The following TCF4 variants were observed in gnomAD, a reference collection of about 807,000 sequenced individuals.
TCF4 encodes transcription factor 4.
TCF4 carries 3 observed loss-of-function variants against 82.1 expected under a neutral mutation model. The observed-to-expected ratio is 0.04, with a 90% confidence interval of 0.02 to 0.09. The LOEUF (loss-of-function observed/expected upper bound fraction) is 0.09, where lower values mean the gene tolerates loss of function less well. Ranked by LOEUF, TCF4 falls within the 10% of genes least tolerant of loss-of-function variation. TCF4 has a pLI of 1.00. For synonymous variants in TCF4, 276 were observed against 309.6 expected (o/e 0.89, Z 1.14); for missense variants, 518 against 852.7 (o/e 0.61, Z 4.89).
chr18:55,296,205 C>T lies in TCF4; in HGVS notation c.550-16549G>A, dbSNP rs576711944. Among the ~76,000 whole-genome samples, 38 of 151,854 alleles carry T rather than the reference C, an allele frequency of 2.5e-4. No individual in the cohort carries two copies. In the South Asian group the frequency reaches 3.3e-3, roughly 13 times the overall value. Reference sequence around the variant, plus strand: ...ACTCTCTGAAACTGATAATCTCAGGCGATAGTGCTAGTCCAAAGAACAGAT... The same window carrying T: ...ACTCTCTGAAACTGATAATCTCAGGTGATAGTGCTAGTCCAAAGAACAGAT... On this transcript the variant is annotated intron_variant, in intron 8 of 19. Coordinates refer to ENST00000354452, the MANE Select transcript of TCF4 (RefSeq NM_001083962.2).
At chr18:55,241,842 T>G (rs2051332641) in intron 15 of TCF4, among the ~76,000 whole-genome samples, 1 of 152,214 alleles carries the variant, frequency 6.6e-6, no homozygotes, top group Admixed American at 6.5e-5. Flanking sequence ...CTCCATCAGT[T>G]GATGCAATAT....
chr18:55,329,443 C>G (rs1006496783), intron 8 of TCF4, among the ~76,000 whole-genome samples: 1 of 152,018 alleles, frequency 6.6e-6, no homozygotes, highest in Non-Finnish European at 1.5e-5. Context: ...GTAAATCCCA[C>G]GAGTAATCTA....
intron 5 of TCF4, among the ~76,000 whole-genome samples, chr18:55,418,300 T>C (rs1170047418): frequency 6.6e-6 from 1 of 152,182 alleles, no homozygotes; most frequent in African/African-American, 2.4e-5. Context: ...ATATACTTTA[T>C]AAGAATGAGT....
rs1418103880 is a variant in TCF4 at position 55,275,685 on chromosome 18, C to T, written c.723G>A (p.Met241Ile). ...GTGGAATATGAGAAGAGTTGCCCAA[C>T]ATTCCTGCATAGCCAGGCTGATTCA... ...SGMNQPGYAG[M>I]LGNSSHIPQS... Residue 241 changes from methionine to isoleucine, a missense_variant, in exon 10 of 20, where the codon ATG becomes ATA. Met to Ile is a conservative substitution (Grantham distance 10, BLOSUM62 1). This residue lies in a region of TCF4 where 211 missense variants were observed against 327.4 expected (regional missense o/e 0.64). Transcript: ENST00000354452. The T allele has an allele frequency of 1.2e-6, 2 of 1,613,952 alleles. No individual in the cohort carries two copies. The highest frequency in any genetic ancestry group is 1.1e-5 in the South Asian group (1 of 91,080).
rs3017184 is a variant in TCF4, at chr18:55,575,564, T to A, written c.145+9716A>T. Among the ~76,000 whole-genome samples the A allele has an allele frequency of 1.5e-3, 233 of 152,186 alleles. 1 individual carries two copies. Among genetic ancestry groups the A allele is most frequent in the African/African-American group, 5.5e-3 (229 of 41,498 alleles). ...TCTTTTACATGAGTCTAGAATATCC[T>A]CTTTGTCATAAATTTTTTTTTTTAC... On this transcript the variant is annotated intron_variant, in intron 3 of 19. Coordinates refer to ENST00000354452, the MANE Select transcript of TCF4 (RefSeq NM_001083962.2).
At chr18:55,264,537 T>C (rs2058698390) in intron 11 of TCF4, 1 of 151,986 alleles carries the variant, frequency 6.6e-6, no homozygotes, top group African/African-American at 2.4e-5. Context: ...GTGACAGATA[T>C]AACAAAGGGT....
intron 3 of TCF4, among the ~76,000 whole-genome samples, chr18:55,556,289 TATG>T (rs771158870): frequency 1.2e-4 from 18 of 152,212 alleles, no homozygotes; most frequent in Non-Finnish European, 1.3e-4. Context: ...GTTTAAGAAC[TATG>T]ATAATGGCTT....
At chr18:55,507,344 C>G (rs2096773923) in intron 3 of TCF4, among the ~76,000 whole-genome samples, 1 of 152,122 alleles carries the variant, frequency 6.6e-6, no homozygotes, top group Non-Finnish European at 1.5e-5. Flanking sequence ...CTAGAGGTGA[C>G]TTATAGGCAG....
intron 3 of TCF4, chr18:55,518,919 T>C (rs1181699514): frequency 6.6e-6 from 1 of 152,172 alleles, no homozygotes; most frequent in Non-Finnish European, 1.5e-5. Context: ...GTTCCCTATA[T>C]TCTTACATAT....
intron 3 of TCF4, among the ~76,000 whole-genome samples, chr18:55,566,399 G>A (rs922293118): frequency 5.9e-5 from 9 of 152,130 alleles, no homozygotes; most frequent in South Asian, 2.1e-4. Flanking sequence ...TGCATGTCAC[G>A]TTTTGTACTT....
intron 17 of TCF4, chr18:55,232,277 T>C (rs2048137439): frequency 2.0e-6 from 1 of 499,480 alleles, no homozygotes; most frequent in Non-Finnish European, 3.6e-6. Context: ...ATTTTTTCAC[T>C]GTGTGTCATT....
At chr18:55,530,565 G>GC (rs1372823752) in intron 3 of TCF4, among the ~76,000 whole-genome samples, 1 of 149,386 alleles carries the variant, frequency 6.7e-6, no homozygotes, top group Non-Finnish European at 1.5e-5. Context: ...CTGAAAAGGG[G>GC]GGGGGAAACA....
At chr18:55,587,181 C>A (rs780110865) in intron 1 of TCF4, 45 bp from the exon 2 acceptor site, 1 of 1,332,144 alleles carries the variant, frequency 7.5e-7, no homozygotes, top group Non-Finnish European at 1.0e-6. Context: ...CAGTCCCAAT[C>A]CTTGGAGAAA....
At chr18:55,477,764 T>C (rs1220029111) in intron 3 of TCF4, among the ~76,000 whole-genome samples, 1 of 152,188 alleles carries the variant, frequency 6.6e-6, no homozygotes, top group African/African-American at 2.4e-5. Context: ...TGAAAATACA[T>C]CTGCCTTACT....
chr18:55,380,577 G>T (rs191614316), intron 6 of TCF4, among the ~76,000 whole-genome samples: 2 of 152,224 alleles, frequency 1.3e-5, no homozygotes, highest in Admixed American at 1.3e-4. Context: ...ATGAATTTGG[G>T]GAGTGGGGAT....
chr18:55,613,921 G>C (rs1250309516), intron 2 of TCF4, among the ~76,000 whole-genome samples: 1 of 152,122 alleles, frequency 6.6e-6, no homozygotes, highest in Admixed American at 6.5e-5. Context: ...GTTGTTTCCA[G>C]TTTTAGGCTA....
intron 8 of TCF4, among the ~76,000 whole-genome samples, chr18:55,284,741 T>C (rs557146239): frequency 1.3e-5 from 2 of 152,282 alleles, no homozygotes; most frequent in African/African-American, 2.4e-5. Flanking sequence ...GTATGTTCCA[T>C]GGAAAGCAGA....
chr18:55,238,149 C>T (rs1051473949), intron 15 of TCF4, among the ~76,000 whole-genome samples: 5 of 152,292 alleles, frequency 3.3e-5, no homozygotes, highest in South Asian at 2.1e-4. Context: ...CATGACATTT[C>T]GTCCCTATTT....
rs534113156 is a variant in TCF4 at position 55,389,955 on chromosome 18, G to A, written c.369+13499C>T. ...GACCGAGCAGTCTCAGATGGTGGCT[G>A]GGAGTCAGTCATCACACCAAGGGAC... On this transcript the variant is annotated intron_variant, in intron 6 of 19. Coordinates refer to ENST00000354452, the MANE Select transcript of TCF4 (RefSeq NM_001083962.2). Among the ~76,000 whole-genome samples, 10 of 152,142 alleles carry A rather than the reference G, an allele frequency of 6.6e-5. No individual in the cohort carries two copies. The East Asian group carries it at 1.2e-3, about 18-fold the overall frequency.
Sources: gnomAD v4.1 joint callset for allele counts (sites outside exome capture counted in the v4.1 genomes callset) on GRCh38, gnomAD v4.1.1 for gene constraint, gnomAD v4.1.1 regional missense constraint, MANE v1.5 for transcripts, NCBI Gene and HGNC (gene_info 2026-07-23, HGNC 2026-07-21) for gene names.